The following DRD1 variants were observed in gnomAD, a reference collection of about 807,000 sequenced individuals.
The protein encoded by DRD1 is D(1A) dopamine receptor.
Under a neutral mutation model 23.8 loss-of-function variants are expected in DRD1, and 2 were observed. The ratio of observed to expected loss-of-function variants is 0.08; its 90% CI spans 0.03 to 0.26. The LOEUF is 0.26. Ranked by LOEUF, DRD1 falls within the 10% of genes least tolerant of loss-of-function variation. DRD1 has a pLI of 1.00. For synonymous variants in DRD1, 218 were observed against 225.7 expected (o/e 0.97, Z 0.30); for missense variants, 376 against 559.0 (o/e 0.67, Z 3.30).
rs202050642 is a variant in DRD1, at chr5:175,441,783, T to C, written c.1317A>G (p.Thr439=). 39 of 1,588,476 alleles carry C rather than the reference T, an allele frequency of 2.5e-5. No individual in the cohort carries two copies. The Admixed American group carries it at 6.6e-4, about 27-fold the overall frequency. The change falls in exon 2 of 2, where the codon ACA becomes ACG. Residue 439 remains threonine, a synonymous_variant. Coordinates refer to ENST00000393752, the MANE Select transcript of DRD1 (RefSeq NM_000794.5). The stretch of plus-strand genomic sequence containing the variant: ...TTCAGGTTGGGTGCTGACCGTTTTG[T>C]GTGATGGGTTGGATCTTCTCCAGAG... The part of the protein sequence containing the change: ...DVSLEKIQPI[T]QNGQHPT
At position 175,441,968 on chromosome 5, in the gene DRD1, G is replaced by C; in HGVS notation, c.1132C>G (p.Arg378Gly). 1 of 1,614,168 alleles carries C rather than the reference G, an allele frequency of 6.2e-7. No individual in the cohort carries two copies. The highest frequency in any genetic ancestry group is 2.2e-5 in the East Asian group (1 of 44,870). ...TTGCACTCCTTGGAGATGGAGCCTC[G>C]TGGCTCATGATGGCTGGAAAACATC... ...AAMFSSHHEP[R>G]GSISKECNLV... Residue 378 changes from arginine to glycine, a missense_variant, in exon 2 of 2, where the codon CGA becomes GGA. Arg to Gly is a moderately radical substitution (Grantham distance 125). Coordinates refer to ENST00000393752, the MANE Select transcript of DRD1 (RefSeq NM_000794.5).
Position 175,441,943 on chromosome 5 carries a change from T to C in DRD1, c.1157A>G (p.Asn386Ser). ...AGCATGTGGGATCAGGTAAACCAGA[T>C]TGCACTCCTTGGAGATGGAGCCTCG... ...EPRGSISKEC[N>S]LVYLIPHAVG... is the part of the protein sequence containing the mutation. The change falls in exon 2 of 2, where the codon AAT (asparagine) becomes AGT (serine). Residue 386 changes from asparagine (N) to serine (S), a missense_variant. Coordinates refer to ENST00000393752, the MANE Select transcript of DRD1 (RefSeq NM_000794.5). The C allele has an allele frequency of 6.2e-7, 1 of 1,614,082 alleles. No homozygotes were observed.
chr5:175,443,280 G>T lies in DRD1; in HGVS notation c.-181C>A. The T allele has an allele frequency of 1.4e-6, 1 of 718,056 alleles. No homozygotes were observed. The highest frequency in any genetic ancestry group is 2.3e-6 in the Non-Finnish European group (1 of 433,620). 44.5% of individuals were successfully genotyped at this position (718,056 alleles called of 1,614,324 possible). A position where few individuals can be genotyped will look rare whatever the true frequency, so the allele number is the denominator to read the frequency against. ...GAGGACCGCTTGAGTGGCAATCCAAGTCAATCCCGTGGATGGTCACTCTTG... is the reference window on the plus strand; with the variant it reads ...GAGGACCGCTTGAGTGGCAATCCAATTCAATCCCGTGGATGGTCACTCTTG... On this transcript the variant is annotated 5_prime_UTR_variant, in exon 2 of 2. Coordinates refer to ENST00000393752, the MANE Select transcript of DRD1 (RefSeq NM_000794.5).
Position 175,441,552 on chromosome 5 carries a change from G to C in DRD1, c.*207C>G. ...ATGTCCCTTATGGCTCCCCATGTTT[G>C]TAGTGTCCCTGTTTGATTGACTATG... On this transcript the variant is annotated 3_prime_UTR_variant, in exon 2 of 2. Transcript: ENST00000393752. The C allele has an allele frequency of 3.8e-6, 2 of 523,934 alleles. No homozygotes were observed. Among genetic ancestry groups the C allele is most frequent in the Non-Finnish European group, 6.3e-6 (2 of 316,226 alleles). 32.5% of individuals were successfully genotyped at this position (523,934 alleles called of 1,614,324 possible).
At position 175,442,157 on chromosome 5, in the gene DRD1, C is replaced by T. The variant is rs1758534864; in HGVS notation, c.943G>A (p.Val315Met). The T allele has an allele frequency of 1.2e-6, 2 of 1,614,026 alleles. No individual in the cohort carries two copies. The highest frequency in any genetic ancestry group is 1.7e-6 in the Non-Finnish European group (2 of 1,180,032). The change falls in exon 2 of 2, where the codon GTG (valine) becomes ATG (methionine). Residue 315 changes from valine (V) to methionine (M), a missense_variant. Transcript: ENST00000393752. This position sits in a 1 kb window ranked among gnomAD's most constrained non-coding sequence, Gnocchi z 7.3. ...TTAGCCCACCCAAACCACACAAACA[C>T]GTCAAAGGTGTTGGAATCAATGCAG... Reference protein sequence around the residue: ...PFCIDSNTFDVFVWFGWANSS... With the variant: ...PFCIDSNTFDMFVWFGWANSS...
In DRD1 at chr5:175,442,096, G is replaced by T. The variant is rs1307109955; in HGVS notation, c.1004C>A (p.Ala335Asp). 2 of 1,614,062 alleles carry T rather than the reference G, an allele frequency of 1.2e-6. No individual in the cohort carries two copies. Among genetic ancestry groups the T allele is most frequent in the South Asian group, 1.1e-5 (1 of 91,076 alleles). Residue 335 changes from alanine to aspartate, a missense_variant, in exon 2 of 2, where the codon GCT (alanine) becomes GAT (aspartate). Transcript: ENST00000393752. The surrounding 1 kb of genome is among the most constrained non-coding windows in gnomAD (Gnocchi z 7.3). ...SLNPIIYAFNADFRKAFSTLL... is the reference protein window; with the variant it reads ...SLNPIIYAFNDDFRKAFSTLL... ...GGTTGAAAATGCCTTCCGAAAATCA[G>T]CATTAAAGGCATAAATGATGGGGTT...
In DRD1 at chr5:175,441,469, T is replaced by A. The variant is rs1405007018; in HGVS notation, c.*290A>T. ...GCTGTTCACTGTTGATTCTTTGCCC[T>A]ATTTGGTAAATCCTAAGATAAGAAT... On this transcript the variant is annotated 3_prime_UTR_variant, in exon 2 of 2. Transcript: ENST00000393752. 5 of 281,824 alleles carry A rather than the reference T, an allele frequency of 1.8e-5. No homozygotes were observed. Among genetic ancestry groups the A allele is most frequent in the Non-Finnish European group, 3.3e-5 (5 of 150,652 alleles). 17.5% of individuals were successfully genotyped at this position (281,824 alleles called of 1,614,324 possible).
Position 175,442,008 on chromosome 5 carries a change from A to T in DRD1, c.1092T>A (p.Asn364Lys). 9 of 1,614,162 alleles carry T rather than the reference A, an allele frequency of 5.6e-6. No individual in the cohort carries two copies. Among genetic ancestry groups the T allele is most frequent in the Non-Finnish European group, 6.8e-6 (8 of 1,180,030 alleles). ...TGGAAAACATCGCGGCCCCATTGTT[A>T]TTGATACTCACCGTCTCTATGGCAT... ...TNNAIETVSI[N>K]NNGAAMFSSH... Residue 364 changes from asparagine (N) to lysine (K), a missense_variant, in exon 2 of 2, where the codon AAT becomes AAA. Physicochemically the swap from Asn to Lys is moderately conservative, Grantham distance 94. This residue lies in a region of DRD1 where 117 missense variants were observed against 126.9 expected (regional missense o/e 0.92). Transcript: ENST00000393752. The surrounding 1 kb of genome is among the most constrained non-coding windows in gnomAD (Gnocchi z 7.3).
At position 175,441,909 on chromosome 5, in the gene DRD1, G is replaced by A; in HGVS notation, c.1191C>T (p.Ser397=). Residue 397 remains serine (S), a synonymous_variant, in exon 2 of 2, where the codon TCC becomes TCT. Coordinates refer to ENST00000393752, the MANE Select transcript of DRD1 (RefSeq NM_000794.5). ...LVYLIPHAVG[S]SEDLKKEEAA... is the part of the protein sequence containing the mutation. The stretch of plus-strand genomic sequence containing the variant: ...CCTCCTCCTTTTTCAGGTCCTCAGA[G>A]GAGCCCACAGCATGTGGGATCAGGT... 1 of 1,614,150 alleles carries A rather than the reference G, an allele frequency of 6.2e-7. No individual in the cohort carries two copies. The highest frequency in any genetic ancestry group is 1.1e-5 in the South Asian group (1 of 91,076).
Position 175,442,691 on chromosome 5 carries a change from G to A in DRD1, c.409C>T (p.Pro137Ser), listed in dbSNP as rs761736618. The A allele has an allele frequency of 8.7e-6, 14 of 1,613,976 alleles. No individual in the cohort carries two copies. Among genetic ancestry groups the A allele is most frequent in the Admixed American group, 8.3e-5 (5 of 60,004 alleles). ...CTGATCAGGATGAAGGCTGCCTTGG[G>A]GGTCATCTTTCTCTCATACCGGAAA... ...SPFRYERKMT[P>S]KAAFILISVA... The change falls in exon 2 of 2, where the codon CCC becomes TCC. Residue 137 changes from proline (P) to serine (S), a missense_variant. By Grantham distance (74) the Pro-to-Ser change is moderately conservative. Around this residue, in one of 5 missense-constraint regions of DRD1, gnomAD observed 121 missense variants for 239.4 expected, o/e 0.51. Transcript: ENST00000393752. This position sits in a 1 kb window ranked among gnomAD's most constrained non-coding sequence, Gnocchi z 7.3.
Position 175,441,951 on chromosome 5 carries a change from C to T in DRD1, c.1149G>A (p.Lys383=), listed in dbSNP as rs756834255. Residue 383 remains lysine (K), a synonymous_variant, in exon 2 of 2, where the codon AAG becomes AAA. Transcript: ENST00000393752. ...SHHEPRGSIS[K]ECNLVYLIPH... is the part of the protein sequence containing the mutation. Reference sequence around the variant, plus strand: ...GGATCAGGTAAACCAGATTGCACTCCTTGGAGATGGAGCCTCGTGGCTCAT... The same window carrying T: ...GGATCAGGTAAACCAGATTGCACTCTTTGGAGATGGAGCCTCGTGGCTCAT... The T allele has an allele frequency of 6.2e-7, 1 of 1,614,180 alleles. No individual in the cohort carries two copies. The highest frequency in any genetic ancestry group is 1.1e-5 in the South Asian group (1 of 91,080).
In DRD1 at chr5:175,441,723, T is replaced by C. The variant is rs778994047; in HGVS notation, c.*36A>G. The C allele has an allele frequency of 3.3e-6, 5 of 1,528,710 alleles. No individual in the cohort carries two copies. Among genetic ancestry groups the C allele is most frequent in the Non-Finnish European group, 3.5e-6 (4 of 1,141,422 alleles). 94.7% of individuals were successfully genotyped at this position (1,528,710 alleles called of 1,614,324 possible). A position where few individuals can be genotyped will look rare whatever the true frequency, so the allele number is the denominator to read the frequency against. On this transcript the variant is annotated 3_prime_UTR_variant, in exon 2 of 2. Transcript: ENST00000393752. The stretch of plus-strand genomic sequence containing the variant: ...CCCCAGAGCAATCTCCTCTAGCTTT[T>C]GGGATGAGCATGTGTGGCAGGATTC...
chr5:175,442,140 C>A lies in DRD1; in HGVS notation c.960G>T (p.Gly320=), dbSNP rs1355526157. 1 of 1,614,148 alleles carries A rather than the reference C, an allele frequency of 6.2e-7. No individual in the cohort carries two copies. The highest frequency in any genetic ancestry group is 8.5e-7 in the Non-Finnish European group (1 of 1,180,038). The change falls in exon 2 of 2, where the codon GGG becomes GGT. Residue 320 remains glycine, a synonymous_variant. Coordinates refer to ENST00000393752, the MANE Select transcript of DRD1 (RefSeq NM_000794.5). This position sits in a 1 kb window ranked among gnomAD's most constrained non-coding sequence, Gnocchi z 7.3. ...TGGGGTTCAAGGATGAATTAGCCCA[C>A]CCAAACCACACAAACACGTCAAAGG... The part of the protein sequence containing the change: ...SNTFDVFVWF[G]WANSSLNPII...
Position 175,441,765 on chromosome 5 carries a change from T to C in DRD1, c.1335A>G (p.Pro445=). The C allele has an allele frequency of 1.9e-6, 3 of 1,572,188 alleles. No individual in the cohort carries two copies. Among genetic ancestry groups the C allele is most frequent in the African/African-American group, 1.4e-5 (1 of 73,894 alleles). Residue 445 remains proline (P), a synonymous_variant, in exon 2 of 2, where the codon CCA becomes CCG. Coordinates refer to ENST00000393752, the MANE Select transcript of DRD1 (RefSeq NM_000794.5). ...IQPITQNGQH[P]T ...GCAGGATTCATCTGCGAGTTCAGGT[T>C]GGGTGCTGACCGTTTTGTGTGATGG... is the stretch of plus-strand genomic sequence containing the variant.
chr5:175,440,280 G>A lies in DRD1; in HGVS notation c.*1479C>T, dbSNP rs572096361. On this transcript the variant is annotated 3_prime_UTR_variant, in exon 2 of 2. Transcript: ENST00000393752. Reference sequence around the variant, plus strand: ...TTGGCATCTGGCAAGGGAGGCTTATGATACTTTTTACAGTCCGGGTGATGA... The same window carrying A: ...TTGGCATCTGGCAAGGGAGGCTTATAATACTTTTTACAGTCCGGGTGATGA... 6.6e-5 allele frequency: 10 copies of A among 152,222 alleles called. No individual in the cohort carries two copies. The highest frequency in any genetic ancestry group is 2.4e-4 in the African/African-American group (10 of 41,542). The allele number at this position is 152,222 out of a possible 1,614,324, so 9.4% of individuals were successfully genotyped here. A position where few individuals can be genotyped will look rare whatever the true frequency, so the allele number is the denominator to read the frequency against.
rs1011022376 is a variant in DRD1 at position 175,443,918 on chromosome 5, C to G, written c.-703G>C. 6.5e-6 allele frequency: 1 copy of G among 152,860 alleles called. No homozygotes were observed. Among genetic ancestry groups the G allele is most frequent in the African/African-American group, 2.4e-5 (1 of 41,474 alleles). 9.5% of individuals were successfully genotyped at this position (152,860 alleles called of 1,614,324 possible). On this transcript the variant is annotated 5_prime_UTR_variant, in exon 1 of 2. Coordinates refer to ENST00000393752, the MANE Select transcript of DRD1 (RefSeq NM_000794.5). Reference sequence around the variant, plus strand: ...GGCGGCAGCCCACTTCCTTGAAGAGCTGGAGATTGTTCAAAGGGCACTAGA... The same window carrying G: ...GGCGGCAGCCCACTTCCTTGAAGAGGTGGAGATTGTTCAAAGGGCACTAGA...
At position 175,442,554 on chromosome 5, in the gene DRD1, G is replaced by T; in HGVS notation, c.546C>A (p.Thr182=). 6.2e-7 allele frequency: 1 copy of T among 1,614,202 alleles called. No homozygotes were observed. The highest frequency in any genetic ancestry group is 8.5e-7 in the Non-Finnish European group (1 of 1,180,046). Residue 182 remains threonine, a synonymous_variant, in exon 2 of 2, where the codon ACC becomes ACA. Coordinates refer to ENST00000393752, the MANE Select transcript of DRD1 (RefSeq NM_000794.5). The surrounding 1 kb of genome is among the most constrained non-coding windows in gnomAD (Gnocchi z 7.3). ...SDGNATSLAE[T]IDNCDSSLSR... ...TGAGGCTGGAGTCACAGTTGTCTAT[G>T]GTCTCAGCCAGGGAAGTGGCATTTC...
At position 175,441,754 on chromosome 5, in the gene DRD1, C is replaced by A. The variant is rs768176917; in HGVS notation, c.*5G>T. 1.9e-6 allele frequency: 3 copies of A among 1,555,398 alleles called. No individual in the cohort carries two copies. Among genetic ancestry groups the A allele is most frequent in the East Asian group, 4.5e-5 (2 of 44,284 alleles). On this transcript the variant is annotated 3_prime_UTR_variant, in exon 2 of 2. Coordinates refer to ENST00000393752, the MANE Select transcript of DRD1 (RefSeq NM_000794.5). ...GAGCATGTGTGGCAGGATTCATCTG[C>A]GAGTTCAGGTTGGGTGCTGACCGTT...
At position 175,441,116 on chromosome 5, in the gene DRD1, C is replaced by T. The variant is rs1758512412; in HGVS notation, c.*643G>A. ...GGCTTATAAAGTGCTAGTTAAATGGCCAGAAATGTGGTTGTAAGGTCTTGG... is the reference window on the plus strand; with the variant it reads ...GGCTTATAAAGTGCTAGTTAAATGGTCAGAAATGTGGTTGTAAGGTCTTGG... On this transcript the variant is annotated 3_prime_UTR_variant, in exon 2 of 2. Coordinates refer to ENST00000393752, the MANE Select transcript of DRD1 (RefSeq NM_000794.5). The T allele has an allele frequency of 6.6e-6, 1 of 152,114 alleles. No homozygotes were observed. 9.4% of individuals were successfully genotyped at this position (152,114 alleles called of 1,614,324 possible).
Sources: allele counts gnomAD v4.1 joint callset, GRCh38; gene constraint gnomAD v4.1.1; regional missense constraint gnomAD v4.1.1; non-coding constraint Gnocchi (gnomAD v3.1); transcripts MANE v1.5; gene names NCBI Gene and HGNC (gene_info 2026-07-23, HGNC 2026-07-21).